The following ATP9B variants were observed in gnomAD, a reference collection of about 807,000 sequenced individuals.
ATP9B encodes probable phospholipid-transporting ATPase IIB.
A neutral mutation model predicts 146.1 loss-of-function variants in ATP9B; 110 were observed. That is an observed-to-expected ratio of 0.75 (90% CI 0.65 to 0.88). The LOEUF is 0.88. Among genes scored for constraint, ATP9B ranks in the 40% least tolerant of loss-of-function variants. The pLI, the probability that ATP9B is intolerant of heterozygous loss-of-function variation, is 0.00. For synonymous variants in ATP9B, 604 were observed against 569.7 expected (o/e 1.06, Z -0.86); for missense variants, 1,499 against 1,496.4 (o/e 1.00, Z -0.03).
chr18:79,342,406 T>TCCCGCTATGGCGGGAGTGGGGACATTCCC, intron 20 of ATP9B, 40 bp downstream of exon 20: 1 of 1,388,838 alleles, frequency 7.2e-7, no homozygotes, highest in Non-Finnish European at 1.0e-6. Flanking sequence ...TTTAAACATT[T>TCCCGCTATGGCGGGAGTGGGGACATTCCC]GTCTCACACA....
At position 79,231,778 on chromosome 18, in the gene ATP9B, GTATATA is replaced by G. The variant is rs781387419; in HGVS notation, c.1107+17761_1107+17766del. ...GTAGATAAAGAAAATGTGTGTGTGTGTATATATATATATATATATATATATACACAC... is the reference window on the plus strand; with the variant it reads ...GTAGATAAAGAAAATGTGTGTGTGTGTATATATATATATATATATACACAC... On this transcript the variant is annotated intron_variant, in intron 11 of 29. Transcript: ENST00000426216. Among the ~76,000 whole-genome samples, 38 of 121,298 alleles carry G rather than the reference GTATATA, an allele frequency of 3.1e-4. 1 individual carries two copies. The highest frequency in any genetic ancestry group is 1.2e-3 in the African/African-American group (35 of 30,282). The allele number at this position is 121,298 out of a possible 152,430, so 79.6% of individuals were successfully genotyped here.
chr18:79,110,831 A>G (rs12608260), intron 3 of ATP9B, among the ~76,000 whole-genome samples: 37,973 of 152,072 alleles, frequency 0.25, 5,075 homozygotes, highest in East Asian at 0.5. Context: ...AAAACAAGTT[A>G]TACGTTTTGT....
intron 9 of ATP9B, among the ~76,000 whole-genome samples, chr18:79,204,615 T>C (rs2148321798): frequency 6.6e-6 from 1 of 152,310 alleles, no homozygotes; most frequent in Middle Eastern, 3.4e-3. Context: ...ATGTTGTACT[T>C]GATAAAGTGG....
At chr18:79,076,578 A>AT (rs35913795) in intron 1 of ATP9B, among the ~76,000 whole-genome samples, 9 of 151,692 alleles carry the variant, frequency 5.9e-5, no homozygotes, top group Admixed American at 1.3e-4. Context: ...ACTTTCAAGC[A>AT]TTTTTTTTAA....
rs1010415844 is a variant in ATP9B, at chr18:79,113,221, T to G, written c.445-20T>G. On this transcript the variant is annotated intron_variant, in intron 3 of 29. Coordinates refer to ENST00000426216, the MANE Select transcript of ATP9B (RefSeq NM_198531.5). The stretch of plus-strand genomic sequence containing the variant: ...TTTTTCCTTGAAGGAATTTTGTTAA[T>G]TTTCTCTTTTCCTTTTTAGGTTTTG... 3 of 1,439,846 alleles carry G rather than the reference T, an allele frequency of 2.1e-6. No individual in the cohort carries two copies. The highest frequency in any genetic ancestry group is 2.9e-6 in the Non-Finnish European group (3 of 1,043,444). 89.2% of individuals were successfully genotyped at this position (1,439,846 alleles called of 1,614,324 possible).
chr18:79,155,747 T>TTC, intron 7 of ATP9B, among the ~76,000 whole-genome samples: 1 of 144,640 alleles, frequency 6.9e-6, no homozygotes, highest in Non-Finnish European at 1.5e-5. Flanking sequence ...GAAACATGTT[T>TTC]TCTCTCTTTT....
chr18:79,263,405 A>G (rs369776636), intron 12 of ATP9B, among the ~76,000 whole-genome samples: 33 of 152,248 alleles, frequency 2.2e-4, no homozygotes, highest in Admixed American at 1.2e-3. Context: ...TTGCAGGTGC[A>G]GAGCCCTCAG....
intron 24 of ATP9B, 85 bp downstream of exon 24, chr18:79,348,010 G>T (rs1445629680): frequency 3.7e-6 from 6 of 1,602,040 alleles, no homozygotes; most frequent in East Asian, 2.2e-5. Context: ...GGGAGTGGGG[G>T]TGCTGAGTGC....
intron 11 of ATP9B, among the ~76,000 whole-genome samples, chr18:79,216,567 A>G (rs2095628861): frequency 6.6e-6 from 1 of 152,174 alleles, no homozygotes; most frequent in East Asian, 1.9e-4. Flanking sequence ...CCCTACCCTG[A>G]TTGCTAGTCA....
intron 11 of ATP9B, among the ~76,000 whole-genome samples, chr18:79,253,167 C>T (rs1362327988): frequency 6.6e-6 from 1 of 152,142 alleles, no homozygotes; most frequent in East Asian, 1.9e-4. Flanking sequence ...GTGCTCTGGC[C>T]CGTGTTTTGT....
chr18:79,222,279 A>T (rs2095687464), intron 11 of ATP9B, among the ~76,000 whole-genome samples: 1 of 152,074 alleles, frequency 6.6e-6, no homozygotes, highest in Admixed American at 6.5e-5. Flanking sequence ...GAGTTGCTCG[A>T]ACCCAGGAAG....
intron 11 of ATP9B, among the ~76,000 whole-genome samples, chr18:79,214,576 AAATCATAACAAAAAGTCTG>A (rs1273224745): frequency 6.6e-6 from 1 of 152,216 alleles, no homozygotes; most frequent in Non-Finnish European, 1.5e-5. Flanking sequence ...CATGTGTGTA[AAATCATAACAAAAAGTCTG>A]AATCCTCAGT....
chr18:79,206,767 A>G (rs2095538006), intron 9 of ATP9B, among the ~76,000 whole-genome samples, 170 bp from the exon 10 acceptor site: 1 of 152,226 alleles, frequency 6.6e-6, no homozygotes, highest in South Asian at 2.1e-4. Flanking sequence ...TTGAACTTGT[A>G]CTTTCAATTT....
At chr18:79,287,688 A>G (rs545347323) in intron 13 of ATP9B, among the ~76,000 whole-genome samples, 1 of 151,826 alleles carries the variant, frequency 6.6e-6, no homozygotes, top group South Asian at 2.1e-4. Context: ...TTGCTTTTCT[A>G]GTTCTTTTAA....
chr18:79,355,945 A>G (rs893451568), intron 25 of ATP9B, among the ~76,000 whole-genome samples: 8 of 152,290 alleles, frequency 5.3e-5, no homozygotes, highest in South Asian at 2.1e-4. Context: ...GAAAGGCCTC[A>G]TGGGCACGGC....
intron 2 of ATP9B, among the ~76,000 whole-genome samples, chr18:79,108,674 C>T (rs2075813483): frequency 6.6e-6 from 1 of 152,174 alleles, no homozygotes; most frequent in Admixed American, 6.5e-5. Flanking sequence ...CTTAAGGGAG[C>T]AGTGCTTGGC....
At chr18:79,362,926 A>G (rs777942795) in intron 26 of ATP9B, 7 of 152,246 alleles carry the variant, frequency 4.6e-5, no homozygotes, top group Non-Finnish European at 1.0e-4. Context: ...TTTTCTGTAG[A>G]ATACTCTCAA....
intron 13 of ATP9B, among the ~76,000 whole-genome samples, chr18:79,291,169 CT>C (rs529534002): frequency 3.5e-4 from 51 of 146,066 alleles, no homozygotes; most frequent in Admixed American, 5.5e-4. Flanking sequence ...AGAGCTGCAG[CT>C]TTTTTTTTTT....
chr18:79,372,294 G>A, intron 26 of ATP9B: 1 of 194,520 alleles, frequency 5.1e-6, no homozygotes, highest in East Asian at 1.4e-4. Flanking sequence ...AGAGTGAAGG[G>A]CCTGGCGCAA....
Sources: gnomAD v4.1 joint callset for allele counts (sites outside exome capture counted in the v4.1 genomes callset) on GRCh38, gnomAD v4.1.1 for gene constraint, MANE v1.5 for transcripts, NCBI Gene and HGNC (gene_info 2026-07-23, HGNC 2026-07-21) for gene names.